Variants in ADORA1 observed in about 807,000 individuals in gnomAD.
The protein encoded by ADORA1 is adenosine receptor A1.
A neutral mutation model predicts 19.9 loss-of-function variants in ADORA1; 6 were observed. The observed-to-expected ratio is 0.30, with a 90% CI of 0.17 to 0.59. ADORA1 has a LOEUF of 0.59. ADORA1 is among the 20% of genes least tolerant of loss of function. The pLI is 0.87. For missense variants in ADORA1, 302 were observed against 439.2 expected (o/e 0.69, Z 2.79); for synonymous variants, 194 against 188.4 (o/e 1.03, Z -0.24).
intron 3 of ADORA1, among the ~76,000 whole-genome samples, chr1:203,163,069 A>G (rs1303911645): frequency 6.6e-6 from 1 of 152,186 alleles, no homozygotes; most frequent in African/African-American, 2.4e-5. Flanking sequence ...ATCTGAGAGG[A>G]CACCATATCT....
At chr1:203,162,179 G>A (rs1655394592) in intron 3 of ADORA1, among the ~76,000 whole-genome samples, 1 of 152,174 alleles carries the variant, frequency 6.6e-6, no homozygotes, top group Admixed American at 6.5e-5. Flanking sequence ...CCTGGCCTTG[G>A]GAGGCAGCCC....
At chr1:203,148,417 G>A (rs1050242307) in intron 3 of ADORA1, among the ~76,000 whole-genome samples, 8 of 152,188 alleles carry the variant, frequency 5.3e-5, no homozygotes, top group African/African-American at 7.2e-5. Context: ...CATCACGGGC[G>A]GAGCAATCGG....
At chr1:203,132,641 G>A (rs955818826) in intron 3 of ADORA1, among the ~76,000 whole-genome samples, 1 of 152,052 alleles carries the variant, frequency 6.6e-6, no homozygotes, top group Non-Finnish European at 1.5e-5. Flanking sequence ...CCAGGAGTTC[G>A]AGATCAGCCT....
At chr1:203,146,937 G>A (rs955642006) in intron 3 of ADORA1, among the ~76,000 whole-genome samples, 5 of 152,244 alleles carry the variant, frequency 3.3e-5, no homozygotes, top group African/African-American at 1.2e-4. Flanking sequence ...AAGCAGCCCA[G>A]TAGGCCCCAG....
In ADORA1 at chr1:203,165,029, A is replaced by G. The variant is rs1308350577; in HGVS notation, c.342-232A>G. The G allele has an allele frequency of 7.8e-6, 12 of 1,547,614 alleles. No homozygotes were observed. Among genetic ancestry groups the G allele is most frequent in the Non-Finnish European group, 9.6e-6 (11 of 1,145,628 alleles). On this transcript the variant is annotated intron_variant, in intron 3 of 3. Coordinates refer to ENST00000337894, the MANE Select transcript of ADORA1 (RefSeq NM_000674.3). This position sits in a 1 kb window ranked among gnomAD's most constrained non-coding sequence, Gnocchi z 5.9. ...GTGATTTTCTATTATTATTTTTGTC[A>G]TTAATCAGGATTTCCTCTCTCTGTA...
At chr1:203,134,159 A>C (rs1189293416) in intron 3 of ADORA1, among the ~76,000 whole-genome samples, 1 of 152,134 alleles carries the variant, frequency 6.6e-6, no homozygotes, top group African/African-American at 2.4e-5. Flanking sequence ...GATTGGAGAG[A>C]GGAGGAGCTT....
chr1:203,143,796 A>C, intron 3 of ADORA1, among the ~76,000 whole-genome samples: 1 of 152,094 alleles, frequency 6.6e-6, no homozygotes, highest in East Asian at 1.9e-4. Flanking sequence ...CAAGTCAACA[A>C]GTGTTTTCTG....
intron 3 of ADORA1, among the ~76,000 whole-genome samples, chr1:203,156,711 G>A (rs1216065400): frequency 6.6e-6 from 1 of 152,162 alleles, no homozygotes; most frequent in Non-Finnish European, 1.5e-5. Flanking sequence ...CACAGACTAG[G>A]TAATTCATAA....
chr1:203,144,386 C>A (rs1010209643), intron 3 of ADORA1, among the ~76,000 whole-genome samples: 4 of 152,134 alleles, frequency 2.6e-5, no homozygotes, highest in Non-Finnish European at 4.4e-5. Context: ...ATAGTAGTGA[C>A]GCTTGTGTGC....
chr1:203,152,708 G>A (rs1349291936), intron 3 of ADORA1: 1 of 152,294 alleles, frequency 6.6e-6, no homozygotes, highest in Non-Finnish European at 1.5e-5. Context: ...AGTGCAGAAA[G>A]AGCTGAGAAT....
intron 3 of ADORA1, among the ~76,000 whole-genome samples, chr1:203,137,110 G>A (rs1654534983): frequency 6.6e-6 from 1 of 152,166 alleles, no homozygotes; most frequent in South Asian, 2.1e-4. Context: ...GAATGGGGCT[G>A]GGAGAAAGGG....
intron 3 of ADORA1, among the ~76,000 whole-genome samples, chr1:203,161,679 C>A (rs556914100): frequency 6.6e-6 from 1 of 151,720 alleles, no homozygotes; most frequent in African/African-American, 2.4e-5. Context: ...TCAAGCAATT[C>A]TCCTACCTCA....
chr1:203,129,161 T>G lies in ADORA1; in HGVS notation c.320T>G (p.Leu107Arg). The G allele has an allele frequency of 6.2e-7, 1 of 1,612,316 alleles. No individual in the cohort carries two copies. The highest frequency in any genetic ancestry group is 8.5e-7 in the Non-Finnish European group (1 of 1,179,020). Residue 107 changes from leucine (L) to arginine (R), a missense_variant, in exon 3 of 4, where the codon CTC (leucine) becomes CGC (arginine). Coordinates refer to ENST00000337894, the MANE Select transcript of ADORA1 (RefSeq NM_000674.3). ...ALLAIAVDRY[L>R]RVKIPLRYKM... ...CTGGCAATTGCTGTGGACCGCTACC[T>G]CCGGGTCAAGATCCCTCTCCGGTGA... is the stretch of plus-strand genomic sequence containing the variant.
intron 3 of ADORA1, among the ~76,000 whole-genome samples, chr1:203,138,477 AAGG>A (rs1654579402): frequency 6.6e-6 from 1 of 152,226 alleles, no homozygotes; most frequent in Admixed American, 6.5e-5. Context: ...AAGGAGACTG[AAGG>A]AGAACTCCAG....
intron 3 of ADORA1, among the ~76,000 whole-genome samples, chr1:203,129,426 C>A (rs1654263150): frequency 6.6e-6 from 1 of 152,146 alleles, no homozygotes; most frequent in African/African-American, 2.4e-5. Context: ...AGAGCTGAAG[C>A]TCTTGCAGCC....
chr1:203,152,070 A>G (rs1655055229), intron 3 of ADORA1, among the ~76,000 whole-genome samples: 2 of 152,152 alleles, frequency 1.3e-5, no homozygotes, highest in Admixed American at 1.3e-4. Context: ...ATTCCAGAAG[A>G]AGGGAACCGT....
intron 3 of ADORA1, among the ~76,000 whole-genome samples, chr1:203,136,634 C>G (rs997796426): frequency 5.3e-5 from 8 of 152,242 alleles, no homozygotes; most frequent in African/African-American, 1.9e-4. Flanking sequence ...ACTCTCACCC[C>G]ACCTGTGGTG....
At chr1:203,135,974 C>G (rs190378748) in intron 3 of ADORA1, among the ~76,000 whole-genome samples, 2 of 152,296 alleles carry the variant, frequency 1.3e-5, no homozygotes, top group African/African-American at 4.8e-5. Flanking sequence ...ATTGCCTGGT[C>G]TCTTTCCTGA....
At position 203,165,143 on chromosome 1, in the gene ADORA1, G is replaced by C; in HGVS notation, c.342-118G>C. 3.8e-6 allele frequency: 6 copies of C among 1,569,240 alleles called. No homozygotes were observed. Among genetic ancestry groups the C allele is most frequent in the Non-Finnish European group, 5.2e-6 (6 of 1,157,462 alleles). On this transcript the variant is annotated intron_variant, in intron 3 of 3. Transcript: ENST00000337894. This position sits in a 1 kb window ranked among gnomAD's most constrained non-coding sequence, Gnocchi z 5.9. ...AAAGACATGCACCTCCCCACTCACC[G>C]GGCCCTGGAAGAGGAGGGTGCTCCT...
Sources: allele counts gnomAD v4.1 joint callset (sites outside exome capture counted in the v4.1 genomes callset), GRCh38; gene constraint gnomAD v4.1.1; non-coding constraint Gnocchi (gnomAD v3.1); transcripts MANE v1.5; gene names NCBI Gene and HGNC (gene_info 2026-07-23, HGNC 2026-07-21).